Variants in CNTN5 observed in about 807,000 individuals in gnomAD.
CNTN5 encodes contactin-5.
CNTN5 carries 77 observed loss-of-function variants against 129.1 expected under a neutral mutation model. That is an observed-to-expected ratio of 0.60 (90% CI 0.50 to 0.72). The LOEUF (loss-of-function observed/expected upper bound fraction) is 0.72, where lower values mean the gene tolerates loss of function less well. Among genes scored for constraint, CNTN5 ranks in the 30% least tolerant of loss-of-function variants. The pLI is 0.00. For synonymous variants in CNTN5, 509 were observed against 465.6 expected, an observed-to-expected ratio of 1.09 and a Z score of -1.20; for missense variants, 1,478 against 1,328.8, an observed-to-expected ratio of 1.11 and a Z score of -1.75.
In CNTN5 at chr11:99,491,591, G is replaced by C. The variant is rs377055651; in HGVS notation, c.-70-64554G>C. Among the ~76,000 whole-genome samples the C allele has an allele frequency of 2.6e-4, 39 of 151,984 alleles. No individual in the cohort carries two copies. The East Asian group carries it at 2.9e-3, about 11-fold the overall frequency. On this transcript the variant is annotated intron_variant, in intron 2 of 24. Coordinates refer to ENST00000524871, the MANE Select transcript of CNTN5 (RefSeq NM_014361.4). ...TTGTTTCTGAGACAATATGCTATTG[G>C]GATTATATTAATTAATGATTCATCG...
At chr11:100,132,523 A>G (rs1328928322) in intron 13 of CNTN5, among the ~76,000 whole-genome samples, 3 of 152,152 alleles carry the variant, frequency 2.0e-5, no homozygotes, top group Non-Finnish European at 2.9e-5. Flanking sequence ...GTTTTGAGAT[A>G]TATTTGTCAG....
At chr11:99,716,390 G>A (rs1955230137) in intron 3 of CNTN5, among the ~76,000 whole-genome samples, 4 of 151,778 alleles carry the variant, frequency 2.6e-5, no homozygotes, top group Admixed American at 2.0e-4. Flanking sequence ...TAATATTCTA[G>A]CTTCTTCTTT....
chr11:100,087,119 C>G (rs1044018241), intron 13 of CNTN5, among the ~76,000 whole-genome samples: 1 of 150,994 alleles, frequency 6.6e-6, no homozygotes, highest in African/African-American at 2.4e-5. Flanking sequence ...CTGTAGTAAT[C>G]CTAAAATCAA....
rs2726356 is a variant in CNTN5, at chr11:99,425,231, A to G, written c.-71+99747A>G. 7.1e-3 allele frequency among the ~76,000 whole-genome samples: 1,086 copies of G among 152,304 alleles called. 8 individuals carry two copies. Among genetic ancestry groups the G allele is most frequent in the Non-Finnish European group, 9.7e-3 (661 of 68,028 alleles). Reference sequence around the variant, plus strand: ...GGAAAAACAACCATCTGATTGGCCAAACAGTCATCAATGAAGTCCTCACTC... The same window carrying G: ...GGAAAAACAACCATCTGATTGGCCAGACAGTCATCAATGAAGTCCTCACTC... On this transcript the variant is annotated intron_variant, in intron 2 of 24. Coordinates refer to ENST00000524871, the MANE Select transcript of CNTN5 (RefSeq NM_014361.4).
At chr11:100,332,062 T>C (rs1244794939) in intron 21 of CNTN5, among the ~76,000 whole-genome samples, 1 of 151,612 alleles carries the variant, frequency 6.6e-6, no homozygotes, top group African/African-American at 2.4e-5. Context: ...TCTTTGAAAA[T>C]ATAAGTAAAA....
At chr11:99,665,894 T>G (rs1952773085) in intron 3 of CNTN5, among the ~76,000 whole-genome samples, 1 of 152,160 alleles carries the variant, frequency 6.6e-6, no homozygotes. Context: ...TCCTATATGG[T>G]GGTTGGGAGT....
intron 1 of CNTN5, among the ~76,000 whole-genome samples, chr11:99,246,547 G>T (rs1396427582): frequency 2.0e-5 from 3 of 152,076 alleles, no homozygotes; most frequent in East Asian, 3.9e-4. Context: ...CAAAATTGAA[G>T]CTATGATTGT....
At chr11:100,212,037 C>A (rs1241258601) in intron 15 of CNTN5, among the ~76,000 whole-genome samples, 1 of 152,102 alleles carries the variant, frequency 6.6e-6, no homozygotes, top group African/African-American at 2.4e-5. Flanking sequence ...ATCTATCACA[C>A]CCAGTTTAGT....
chr11:99,165,587 A>G (rs934525557), intron 1 of CNTN5, among the ~76,000 whole-genome samples: 2 of 152,166 alleles, frequency 1.3e-5, no homozygotes, highest in Non-Finnish European at 2.9e-5. Context: ...ACAAGACCCA[A>G]CTCAAAGGGT....
chr11:99,898,045 C>G (rs1266900874), intron 6 of CNTN5, among the ~76,000 whole-genome samples: 2 of 152,134 alleles, frequency 1.3e-5, no homozygotes, highest in East Asian at 3.9e-4. Flanking sequence ...AGCAACATAA[C>G]ATACAAAACC....
At chr11:99,281,408 C>T (rs1018628208) in intron 1 of CNTN5, among the ~76,000 whole-genome samples, 1 of 152,090 alleles carries the variant, frequency 6.6e-6, no homozygotes, top group South Asian at 2.1e-4. Context: ...ATTTCTGTAA[C>T]ACTGATGTAA....
chr11:99,507,143 C>T (rs990827328), intron 2 of CNTN5, among the ~76,000 whole-genome samples: 7 of 151,552 alleles, frequency 4.6e-5, no homozygotes, highest in African/African-American at 1.2e-4. Flanking sequence ...TTTGGGAGGC[C>T]GAGGCAGGCA....
intron 9 of CNTN5, among the ~76,000 whole-genome samples, chr11:100,028,627 T>C (rs778824968): frequency 1.3e-5 from 2 of 152,214 alleles, no homozygotes; most frequent in Non-Finnish European, 2.9e-5. Context: ...AATCCAAGTA[T>C]GCTTGCATTC....
intron 2 of CNTN5, among the ~76,000 whole-genome samples, chr11:99,434,673 C>T (rs1943531995): frequency 6.6e-6 from 1 of 151,700 alleles, no homozygotes; most frequent in African/African-American, 2.4e-5. Flanking sequence ...TTGAAATCTA[C>T]TGATAGTAGC....
intron 16 of CNTN5, among the ~76,000 whole-genome samples, chr11:100,251,869 G>T (rs914144062): frequency 5.3e-5 from 8 of 152,086 alleles, no homozygotes; most frequent in African/African-American, 1.9e-4. Flanking sequence ...GAATAATGCT[G>T]CAATAAACAT....
intron 15 of CNTN5, among the ~76,000 whole-genome samples, chr11:100,214,629 T>G (rs1364434465): frequency 6.6e-6 from 1 of 152,172 alleles, no homozygotes; most frequent in African/African-American, 2.4e-5. Context: ...TCAGTCCCTG[T>G]TCAACAGTCT....
At chr11:100,161,830 TACACACACACACACACACACAC>T (rs71050053) in intron 13 of CNTN5, among the ~76,000 whole-genome samples, 32 of 125,890 alleles carry the variant, frequency 2.5e-4, no homozygotes, top group Admixed American at 9.4e-4. Flanking sequence ...TGGAGCTTCC[TACACACACACACACACACACAC>T]ACACACACAC....
intron 2 of CNTN5, among the ~76,000 whole-genome samples, chr11:99,515,803 A>T (rs1301120727): frequency 3.3e-5 from 5 of 151,990 alleles, no homozygotes; most frequent in Non-Finnish European, 7.4e-5. Flanking sequence ...GGAATCTTTA[A>T]GTTAGCTGAT....
intron 3 of CNTN5, among the ~76,000 whole-genome samples, chr11:99,564,082 A>T (rs11220460): frequency 0.054 from 8,140 of 151,872 alleles, 260 homozygotes; most frequent in Non-Finnish European, 0.069. Context: ...TGTTTTTTTT[A>T]AAATTTACTT....
Sources: allele counts gnomAD v4.1 joint callset (sites outside exome capture counted in the v4.1 genomes callset), GRCh38; gene constraint gnomAD v4.1.1; transcripts MANE v1.5; gene names NCBI Gene and HGNC (gene_info 2026-07-23, HGNC 2026-07-21).